Variants in NPAS3 observed in about 807,000 individuals in gnomAD.
NPAS3 encodes neuronal PAS domain protein 3.
In NPAS3, 14 loss-of-function variants were observed where a neutral mutation model predicts 73.1. The ratio of observed to expected loss-of-function variants is 0.19; its 90% CI spans 0.13 to 0.30. NPAS3 has a LOEUF of 0.30. Ranked by LOEUF, NPAS3 falls within the 10% of genes least tolerant of loss-of-function variation. The pLI is 1.00. For synonymous variants in NPAS3, 620 were observed against 541.5 expected (o/e 1.14, Z -2.01); for missense variants, 1,096 against 1,250.0 (o/e 0.88, Z 1.86).
chr14:33,001,614 G>A (rs190378159), intron 1 of NPAS3, among the ~76,000 whole-genome samples: 14 of 151,964 alleles, frequency 9.2e-5, no homozygotes, highest in African/African-American at 2.7e-4. Flanking sequence ...ACCTTAGCAC[G>A]TACCTTGCAG....
At chr14:33,555,094 G>C (rs2055294692) in intron 4 of NPAS3, among the ~76,000 whole-genome samples, 1 of 152,056 alleles carries the variant, frequency 6.6e-6, no homozygotes, top group African/African-American at 2.4e-5. Context: ...GACTTACTGG[G>C]ATGTGACAAA....
chr14:33,037,688 C>T (rs768664440), intron 1 of NPAS3, among the ~76,000 whole-genome samples: 2 of 151,826 alleles, frequency 1.3e-5, no homozygotes, highest in Non-Finnish European at 2.9e-5. Context: ...AAAAGATTCT[C>T]AAATAAATAC....
intron 2 of NPAS3, among the ~76,000 whole-genome samples, chr14:33,107,001 C>T (rs1407080293): frequency 4.6e-5 from 7 of 152,054 alleles, no homozygotes; most frequent in Admixed American, 4.6e-4. Flanking sequence ...CTATTGCTTC[C>T]CTTTGAGTGT....
upstream of NPAS3, among the ~76,000 whole-genome samples, chr14:32,938,752 G>A (rs968372722): frequency 1.3e-5 from 2 of 149,810 alleles, no homozygotes; most frequent in Admixed American, 6.6e-5. Flanking sequence ...GGGGGCGGGG[G>A]CGGGTGGCGG....
At chr14:32,953,195 G>T (rs2036552003) in intron 1 of NPAS3, among the ~76,000 whole-genome samples, 1 of 151,674 alleles carries the variant, frequency 6.6e-6, no homozygotes, top group Non-Finnish European at 1.5e-5. Flanking sequence ...TTTAAATTTG[G>T]GATTTATAGA....
At chr14:33,579,946 T>C (rs1360417796) in intron 5 of NPAS3, among the ~76,000 whole-genome samples, 2 of 152,232 alleles carry the variant, frequency 1.3e-5, no homozygotes, top group Non-Finnish European at 2.9e-5. Context: ...ATAAAGTTCT[T>C]CTGTTTTATT....
chr14:33,568,820 G>T (rs1484770939), intron 5 of NPAS3, among the ~76,000 whole-genome samples: 1 of 152,170 alleles, frequency 6.6e-6, no homozygotes, highest in Non-Finnish European at 1.5e-5. Context: ...CTGGTAACCT[G>T]AAAATTGATG....
At chr14:33,427,780 A>G (rs1164136117) in intron 4 of NPAS3, among the ~76,000 whole-genome samples, 3 of 152,142 alleles carry the variant, frequency 2.0e-5, no homozygotes, top group South Asian at 2.1e-4. Context: ...AGGTGCTCCA[A>G]TAATATTTGT....
chr14:33,479,461 G>T (rs1156462154), intron 4 of NPAS3, among the ~76,000 whole-genome samples: 1 of 152,064 alleles, frequency 6.6e-6, no homozygotes, highest in Admixed American at 6.6e-5. Flanking sequence ...TCACCCACTT[G>T]TCACTCTGTC....
chr14:33,140,361 G>T (rs1039525591), intron 2 of NPAS3, among the ~76,000 whole-genome samples: 1 of 152,004 alleles, frequency 6.6e-6, no homozygotes, highest in Admixed American at 6.6e-5. Context: ...GTAGGGAAAA[G>T]AACACAGAAA....
At chr14:33,633,389 G>A (rs1431047558) in intron 5 of NPAS3, among the ~76,000 whole-genome samples, 2 of 152,188 alleles carry the variant, frequency 1.3e-5, no homozygotes, top group African/African-American at 4.8e-5. Context: ...CATAGAGAAA[G>A]TACAGTCATG....
intron 3 of NPAS3, among the ~76,000 whole-genome samples, chr14:33,349,197 T>C (rs2044899639): frequency 1.3e-5 from 2 of 152,236 alleles, no homozygotes; most frequent in Non-Finnish European, 2.9e-5. Flanking sequence ...CACTTGAATG[T>C]GTTGGTAGGA....
intron 4 of NPAS3, among the ~76,000 whole-genome samples, chr14:33,439,054 A>G (rs1255001175): frequency 6.6e-6 from 1 of 152,168 alleles, no homozygotes; most frequent in Non-Finnish European, 1.5e-5. Flanking sequence ...ACCCAAATTA[A>G]CAAAGCAATA....
intron 5 of NPAS3, among the ~76,000 whole-genome samples, chr14:33,660,995 T>A: frequency 6.8e-6 from 1 of 147,314 alleles, no homozygotes. Context: ...AAGCGAAGAG[T>A]AAAATAAAGA....
intron 1 of NPAS3, 134 bp downstream of exon 1, chr14:32,939,500 A>C (rs1248499005): frequency 2.9e-5 from 6 of 209,590 alleles, no homozygotes; most frequent in Non-Finnish European, 5.9e-5. Flanking sequence ...GTCTGGGCGC[A>C]GCGCTCGCCC....
intron 2 of NPAS3, among the ~76,000 whole-genome samples, chr14:33,149,187 A>C (rs891652561): frequency 1.3e-5 from 2 of 152,200 alleles, no homozygotes; most frequent in Non-Finnish European, 2.9e-5. Context: ...TTTATCCATC[A>C]ATATAGGAAT....
chr14:33,169,367 A>G (rs2045298786), intron 2 of NPAS3, among the ~76,000 whole-genome samples: 1 of 152,206 alleles, frequency 6.6e-6, no homozygotes, highest in South Asian at 2.1e-4. Flanking sequence ...CAGGAGTTGG[A>G]GACCAGCCTG....
At chr14:33,448,830 A>T (rs1168067226) in intron 4 of NPAS3, among the ~76,000 whole-genome samples, 1 of 152,230 alleles carries the variant, frequency 6.6e-6, no homozygotes, top group Admixed American at 6.5e-5. Context: ...GCATACAAGC[A>T]TCTGAACTGG....
chr14:33,140,099 T>G (rs577295550), intron 2 of NPAS3, among the ~76,000 whole-genome samples: 35 of 152,346 alleles, frequency 2.3e-4, no homozygotes, highest in African/African-American at 7.9e-4. Context: ...AGGCCTATGA[T>G]GAAGTGTACT....
Sources: allele counts gnomAD v4.1 joint callset (sites outside exome capture counted in the v4.1 genomes callset), GRCh38; gene constraint gnomAD v4.1.1; transcripts MANE v1.5; gene names NCBI Gene and HGNC (gene_info 2026-07-23, HGNC 2026-07-21).